Variants in NCEH1 observed in about 807,000 individuals in gnomAD.
NCEH1 encodes the protein neutral cholesterol ester hydrolase 1.
Under a neutral mutation model 25.4 loss-of-function variants are expected in NCEH1, and 9 were observed. The observed-to-expected ratio is 0.35, with a 90% CI of 0.21 to 0.62. The LOEUF (loss-of-function observed/expected upper bound fraction) is 0.62, where lower values mean the gene tolerates loss of function less well. NCEH1 is among the 20% of genes least tolerant of loss of function. The pLI, the probability that NCEH1 is intolerant of heterozygous loss-of-function variation, is 0.72. For synonymous variants in NCEH1, 200 were observed against 199.8 expected (o/e 1.00, Z -0.01); for missense variants, 412 against 501.1 (o/e 0.82, Z 1.70).
At chr3:172,668,348 ATTT>A (rs1200625132) in intron 1 of NCEH1, among the ~76,000 whole-genome samples, 70 of 78,966 alleles carry the variant, frequency 8.9e-4, no homozygotes, top group African/African-American at 2.7e-3. Flanking sequence ...AAAAGGAAGC[ATTT>A]TTTTTTTTTT....
At chr3:172,655,647 T>C (rs2108502278) in intron 1 of NCEH1, among the ~76,000 whole-genome samples, 1 of 152,342 alleles carries the variant, frequency 6.6e-6, no homozygotes, top group Non-Finnish European at 1.5e-5. Context: ...TCCGCTTTCC[T>C]ATTCTCAACT....
chr3:172,642,601 T>TA (rs1411772207), intron 3 of NCEH1, among the ~76,000 whole-genome samples: 2,132 of 38,808 alleles, frequency 0.055, 137 homozygotes, highest in Admixed American at 0.29. Context: ...TTGCTATTTC[T>TA]ACAAAAAAAA....
intron 1 of NCEH1, among the ~76,000 whole-genome samples, chr3:172,680,244 G>A (rs1293143673): frequency 2.0e-5 from 3 of 152,148 alleles, no homozygotes; most frequent in African/African-American, 7.2e-5. Context: ...AATGGGTGAG[G>A]CATCTTGGGG....
intron 1 of NCEH1, among the ~76,000 whole-genome samples, chr3:172,660,375 T>C (rs1577066412): frequency 6.6e-6 from 1 of 152,204 alleles, no homozygotes; most frequent in African/African-American, 2.4e-5. Flanking sequence ...CAGTCTATCA[T>C]TGATGGACAT....
In NCEH1 at chr3:172,683,518, G is replaced by T. The variant is rs1404821957; in HGVS notation, c.138+27329C>A. 2.7e-5 allele frequency among the ~76,000 whole-genome samples: 4 copies of T among 150,120 alleles called. No individual in the cohort carries two copies. In the Admixed American group the frequency reaches 2.7e-4, roughly 10 times the overall value. Reference sequence around the variant, plus strand: ...GACCTCTGTCTCTACAAAAAAAATAGAATAAAATAAATTATCCAGGCATAG... The same window carrying T: ...GACCTCTGTCTCTACAAAAAAAATATAATAAAATAAATTATCCAGGCATAG... On this transcript the variant is annotated intron_variant, in intron 1 of 4. Transcript: ENST00000475381.
intron 1 of NCEH1, among the ~76,000 whole-genome samples, chr3:172,683,175 G>A (rs529845686): frequency 4.6e-5 from 3 of 64,624 alleles, no homozygotes; most frequent in African/African-American, 7.2e-5. Flanking sequence ...AGGCCGAGGC[G>A]GGCGGATCAC....
intron 1 of NCEH1, among the ~76,000 whole-genome samples, chr3:172,677,739 T>C (rs1477099493): frequency 6.6e-6 from 1 of 152,288 alleles, no homozygotes; most frequent in East Asian, 1.9e-4. Context: ...CCATCCTGGC[T>C]AACACAGCGA....
intron 1 of NCEH1, among the ~76,000 whole-genome samples, chr3:172,687,541 A>C (rs1245675266): frequency 3.9e-5 from 6 of 152,260 alleles, no homozygotes; most frequent in Non-Finnish European, 7.3e-5. Context: ...AATATAGGTC[A>C]TAAACTCATG....
intron 1 of NCEH1, among the ~76,000 whole-genome samples, chr3:172,710,283 G>A (rs1714223815): frequency 6.6e-6 from 1 of 152,344 alleles, no homozygotes; most frequent in South Asian, 2.1e-4. Flanking sequence ...TGCCTCGGGT[G>A]AAACGAGAGA....
chr3:172,647,989 A>G lies in NCEH1; in HGVS notation c.264T>C (p.Asp88=), dbSNP rs1321794284. ...CTTCAAACACTCTGACTTCCACACC[A>G]TCAAAGTCTGTGTCGGTCACCTTCA... ...AQVKVTDTDF[D]GVEVRVFEGP... Residue 88 remains aspartate, a synonymous_variant, in exon 2 of 5, where the codon GAT becomes GAC. Transcript: ENST00000475381. 1.2e-6 allele frequency: 2 copies of G among 1,614,142 alleles called. No homozygotes were observed. The highest frequency in any genetic ancestry group is 4.5e-5 in the East Asian group (2 of 44,878).
intron 1 of NCEH1, among the ~76,000 whole-genome samples, chr3:172,679,449 C>T (rs939099506): frequency 3.3e-5 from 5 of 152,130 alleles, no homozygotes; most frequent in African/African-American, 1.2e-4. Flanking sequence ...ACCCCCCACC[C>T]CCGACCTTTT....
intron 4 of NCEH1, among the ~76,000 whole-genome samples, chr3:172,635,710 A>G (rs1716568041): frequency 6.6e-6 from 1 of 152,184 alleles, no homozygotes; most frequent in Non-Finnish European, 1.5e-5. Flanking sequence ...ACAAAGACTC[A>G]TAGGTGATAC....
chr3:172,669,416 C>T (rs1372639102), intron 1 of NCEH1, among the ~76,000 whole-genome samples: 1 of 152,144 alleles, frequency 6.6e-6, no homozygotes, highest in Non-Finnish European at 1.5e-5. Flanking sequence ...TATTTTAGCT[C>T]AGAATGGTAA....
rs1353831643 is a variant in NCEH1, at chr3:172,632,302, T to C, written c.*1173A>G. 6.6e-6 allele frequency: 1 copy of C among 152,256 alleles called. No homozygotes were observed. Among genetic ancestry groups the C allele is most frequent in the Non-Finnish European group, 1.5e-5 (1 of 68,034 alleles). 9.4% of individuals were successfully genotyped at this position (152,256 alleles called of 1,614,324 possible). A position where few individuals can be genotyped will look rare whatever the true frequency, so the allele number is the denominator to read the frequency against. ...ATCATTTCCACAAAATTACACGTGG[T>C]TATAACTGTAGGGAAGGTTTTAAAA... is the stretch of plus-strand genomic sequence containing the variant. On this transcript the variant is annotated 3_prime_UTR_variant, in exon 5 of 5. Coordinates refer to ENST00000475381, the MANE Select transcript of NCEH1 (RefSeq NM_020792.6).
intron 1 of NCEH1, among the ~76,000 whole-genome samples, chr3:172,666,753 G>T (rs757801697): frequency 6.6e-6 from 1 of 152,108 alleles, no homozygotes; most frequent in Admixed American, 6.5e-5. Context: ...CTATCCTGTT[G>T]CAAAACCTTC....
rs566536765 is a variant in NCEH1, at chr3:172,643,937, A to C, written c.437+1686T>G. ...GCCAGCTGCTCAGGCCAACTGCCCAAATCATTTCCTTGAAGGTTCCTGTAT... is the reference window on the plus strand; with the variant it reads ...GCCAGCTGCTCAGGCCAACTGCCCACATCATTTCCTTGAAGGTTCCTGTAT... On this transcript the variant is annotated intron_variant, in intron 3 of 4. Coordinates refer to ENST00000475381, the MANE Select transcript of NCEH1 (RefSeq NM_020792.6). 9.8e-5 allele frequency among the ~76,000 whole-genome samples: 15 copies of C among 152,312 alleles called. No homozygotes were observed. In the South Asian group the frequency reaches 1.7e-3, roughly 17 times the overall value.
chr3:172,696,527 A>G (rs1403303140), intron 1 of NCEH1, among the ~76,000 whole-genome samples: 1 of 152,258 alleles, frequency 6.6e-6, no homozygotes, highest in Non-Finnish European at 1.5e-5. Flanking sequence ...TTATTCACAT[A>G]TTGTGCAATC....
chr3:172,658,287 C>T (rs886604160), intron 1 of NCEH1, among the ~76,000 whole-genome samples: 3 of 152,144 alleles, frequency 2.0e-5, no homozygotes, highest in African/African-American at 7.2e-5. Flanking sequence ...CCTTGTTTAG[C>T]GCATAAGAAA....
intron 1 of NCEH1, among the ~76,000 whole-genome samples, chr3:172,686,522 T>C (rs1414737989): frequency 1.3e-5 from 2 of 152,230 alleles, no homozygotes; most frequent in Non-Finnish European, 2.9e-5. Flanking sequence ...GACATAGGAC[T>C]GTACTGATTT....
Sources: gnomAD v4.1 joint callset for allele counts (sites outside exome capture counted in the v4.1 genomes callset) on GRCh38, gnomAD v4.1.1 for gene constraint, MANE v1.5 for transcripts, NCBI Gene and HGNC (gene_info 2026-07-23, HGNC 2026-07-21) for gene names.